Variants in LPIN1 observed in about 807,000 individuals in gnomAD.
The protein encoded by LPIN1 is lipin 1, also known as phosphatidate phosphatase LPIN1.
A neutral mutation model predicts 107.5 loss-of-function variants in LPIN1; 71 were observed. The observed-to-expected ratio is 0.66, with a 90% CI of 0.55 to 0.80. The LOEUF is 0.80. Among genes scored for constraint, LPIN1 ranks in the 30% least tolerant of loss-of-function variants. The pLI is 0.00. For missense variants in LPIN1, 1,043 were observed against 1,160.6 expected, an observed-to-expected ratio of 0.90 and a Z score of 1.47; for synonymous variants, 445 against 452.6, an observed-to-expected ratio of 0.98 and a Z score of 0.21.
intron 7 of LPIN1, among the ~76,000 whole-genome samples, chr2:11,780,005 C>T (rs1289242031): frequency 2.6e-5 from 4 of 151,994 alleles, no homozygotes; most frequent in Non-Finnish European, 4.4e-5. Context: ...TTCAGCCTCC[C>T]GAGTAGCTGG....
At chr2:11,696,337 A>G (rs1003745050) in intron 1 of LPIN1, among the ~76,000 whole-genome samples, 17 of 152,074 alleles carry the variant, frequency 1.1e-4, no homozygotes, top group Middle Eastern at 3.4e-3. Context: ...AGGGAAGGAT[A>G]AGGTGCAGTT....
chr2:11,715,712 G>C (rs1180756073), intron 2 of LPIN1, among the ~76,000 whole-genome samples: 1 of 152,124 alleles, frequency 6.6e-6, no homozygotes, highest in Admixed American at 6.5e-5. Flanking sequence ...GTTCTGCAGG[G>C]TATTGAAAGA....
intron 1 of LPIN1, among the ~76,000 whole-genome samples, chr2:11,680,948 T>C (rs747598105): frequency 2.0e-5 from 3 of 152,228 alleles, no homozygotes; most frequent in Non-Finnish European, 4.4e-5. Context: ...GTCTCATCTA[T>C]AAAATGAAGC....
intron 1 of LPIN1, among the ~76,000 whole-genome samples, chr2:11,689,314 G>A (rs1662157572): frequency 6.6e-6 from 1 of 152,184 alleles, no homozygotes; most frequent in Non-Finnish European, 1.5e-5. Context: ...ATTGCTGATG[G>A]CTAAGGCTTT....
Position 11,771,666 on chromosome 2 carries a change from C to T in LPIN1, c.583C>T (p.Leu195=). The change falls in exon 4 of 21, where the codon CTG becomes TTG. Residue 195 remains leucine (L), a synonymous_variant. Coordinates refer to ENST00000674199, the MANE Select transcript of LPIN1 (RefSeq NM_001349206.2). The surrounding 1 kb of genome is among the most constrained non-coding windows in gnomAD (Gnocchi z 4.8). ...EMSSDEAMEL[L]ESSRTLPNDI... is the part of the protein sequence containing the mutation. Reference sequence around the variant, plus strand: ...GAGCTCGGATGAGGCCATGGAGCTGCTGGAGAGCAGCAGGTAATAACTGTC... The same window carrying T: ...GAGCTCGGATGAGGCCATGGAGCTGTTGGAGAGCAGCAGGTAATAACTGTC... The T allele has an allele frequency of 1.3e-6, 2 of 1,591,864 alleles. No individual in the cohort carries two copies. The highest frequency in any genetic ancestry group is 8.6e-7 in the Non-Finnish European group (1 of 1,169,438).
At chr2:11,764,888 A>G (rs1670537449) in intron 1 of LPIN1, among the ~76,000 whole-genome samples, 1 of 152,234 alleles carries the variant, frequency 6.6e-6, no homozygotes, top group African/African-American at 2.4e-5. Context: ...AATATAAAAA[A>G]GCTTCATGGG....
At chr2:11,722,302 C>T (rs1477834785), upstream of LPIN1, 1 of 152,258 alleles carries the variant, frequency 6.6e-6, no homozygotes, top group African/African-American at 2.4e-5. Context: ...GAATGCCAGC[C>T]CTTAGACACT....
chr2:11,734,453 C>T (rs1665580667), intron 1 of LPIN1, among the ~76,000 whole-genome samples: 1 of 152,204 alleles, frequency 6.6e-6, no homozygotes, highest in African/African-American at 2.4e-5. Flanking sequence ...AACTAGTCCT[C>T]AAGTAAGAGC....
chr2:11,785,061 C>G lies in LPIN1; in HGVS notation c.1534C>G (p.Arg512Gly), dbSNP rs760960301. Residue 512 changes from arginine to glycine, a missense_variant, in exon 10 of 21, where the codon CGG (arginine) becomes GGG (glycine). Arg to Gly is a moderately radical substitution (Grantham distance 125). Coordinates refer to ENST00000674199, the MANE Select transcript of LPIN1 (RefSeq NM_001349206.2). ...ISLCGGLSDH[R>G]EITKDAFLEQ... ...CCTCTGCGGGGGCCTCAGCGACCACCGGGAGATCACGAAAGGTACCGCGGG... is the reference window on the plus strand; with the variant it reads ...CCTCTGCGGGGGCCTCAGCGACCACGGGGAGATCACGAAAGGTACCGCGGG... 6.3e-7 allele frequency: 1 copy of G among 1,584,080 alleles called. No homozygotes were observed. The highest frequency in any genetic ancestry group is 1.1e-5 in the South Asian group (1 of 88,774).
At chr2:11,747,056 G>C (rs1470159167) in intron 1 of LPIN1, among the ~76,000 whole-genome samples, 1 of 152,226 alleles carries the variant, frequency 6.6e-6, no homozygotes. Flanking sequence ...TCCTGGCTCT[G>C]CGCGATCATC....
chr2:11,762,548 G>A (rs1437831443), intron 1 of LPIN1, among the ~76,000 whole-genome samples: 1 of 152,074 alleles, frequency 6.6e-6, no homozygotes, highest in Admixed American at 6.5e-5. Context: ...TTAAACTTTG[G>A]TGTGGGTGAA....
At chr2:11,753,219 G>T (rs1174644474) in intron 1 of LPIN1, among the ~76,000 whole-genome samples, 1 of 101,420 alleles carries the variant, frequency 9.9e-6, no homozygotes, top group African/African-American at 4.7e-5. Context: ...CTTTGGTGGC[G>T]GGACCCCAGG....
intron 20 of LPIN1, among the ~76,000 whole-genome samples, chr2:11,822,373 C>T (rs1681686156): frequency 6.6e-6 from 1 of 151,646 alleles, no homozygotes; most frequent in Admixed American, 6.6e-5. Context: ...TCACTTGAAC[C>T]CAGGAGACGG....
At chr2:11,815,465 C>T (rs1450387495) in intron 18 of LPIN1, among the ~76,000 whole-genome samples, 1 of 152,198 alleles carries the variant, frequency 6.6e-6, no homozygotes, top group Non-Finnish European at 1.5e-5. Flanking sequence ...CTTGGTGGCT[C>T]CTCATGGCCT....
At chr2:11,800,303 G>C (rs1166436145) in intron 14 of LPIN1, among the ~76,000 whole-genome samples, 1 of 152,224 alleles carries the variant, frequency 6.6e-6, no homozygotes, top group Admixed American at 6.5e-5. Flanking sequence ...GAAGGAGCTG[G>C]GTCTCCACAT....
intron 18 of LPIN1, chr2:11,816,074 G>A (rs1373309538): frequency 6.6e-6 from 1 of 152,214 alleles, no homozygotes; most frequent in African/African-American, 2.4e-5. Flanking sequence ...AAGACCAGAT[G>A]AACTGTTTGC....
At chr2:11,754,060 C>T (rs1293607019) in intron 1 of LPIN1, among the ~76,000 whole-genome samples, 3 of 152,164 alleles carry the variant, frequency 2.0e-5, no homozygotes, top group Non-Finnish European at 4.4e-5. Context: ...CCAAAATCGT[C>T]CCTGTCAAGC....
At chr2:11,678,052 G>C (rs1323419123) in intron 1 of LPIN1, among the ~76,000 whole-genome samples, 2 of 152,184 alleles carry the variant, frequency 1.3e-5, no homozygotes, top group African/African-American at 2.4e-5. Context: ...AGTGCCTCCA[G>C]CCCATCAGGC....
At chr2:11,731,260 T>A (rs1041856349) in intron 1 of LPIN1, among the ~76,000 whole-genome samples, 1 of 151,938 alleles carries the variant, frequency 6.6e-6, no homozygotes, top group African/African-American at 2.4e-5. Context: ...CCGGTGTGTG[T>A]TGTTCCCCTC....
Sources: gnomAD v4.1 joint callset for allele counts (sites outside exome capture counted in the v4.1 genomes callset) on GRCh38, gnomAD v4.1.1 for gene constraint, Gnocchi (gnomAD v3.1) non-coding constraint, MANE v1.5 for transcripts, NCBI Gene and HGNC (gene_info 2026-07-23, HGNC 2026-07-21) for gene names.